ZNF18: variants seen among roughly 807,000 people sequenced by gnomAD.
The protein encoded by ZNF18 is heart development-specific gene 1 protein.
In ZNF18, 42 loss-of-function variants were observed where a neutral mutation model predicts 58.1. The observed-to-expected ratio is 0.72, with a 90% CI of 0.56 to 0.93. The LOEUF (loss-of-function observed/expected upper bound fraction) is 0.93, where lower values mean the gene tolerates loss of function less well. Ranked by LOEUF, ZNF18 falls within the 40% of genes least tolerant of loss-of-function variation. The pLI, the probability that ZNF18 is intolerant of heterozygous loss-of-function variation, is 0.00. For missense variants in ZNF18, 540 were observed against 644.2 expected (o/e 0.84, Z 1.75); for synonymous variants, 231 against 239.8 (o/e 0.96, Z 0.34).
intron 1 of ZNF18, among the ~76,000 whole-genome samples, chr17:11,994,980 AGAAG>A (rs1190303210): frequency 2.0e-5 from 3 of 152,240 alleles, no homozygotes; most frequent in Non-Finnish European, 4.4e-5. Flanking sequence ...CAGGAGAAGG[AGAAG>A]GAAGGGTTGG....
intron 6 of ZNF18, among the ~76,000 whole-genome samples, chr17:11,982,886 CA>C (rs1024534499): frequency 4.6e-5 from 7 of 152,092 alleles, no homozygotes; most frequent in Admixed American, 2.0e-4. Context: ...TTAGATAAAA[CA>C]TTTTTTTCTG....
upstream of ZNF18, among the ~76,000 whole-genome samples, chr17:12,001,499 G>C (rs1968654911): frequency 6.6e-6 from 1 of 152,026 alleles, no homozygotes; most frequent in African/African-American, 2.4e-5. Context: ...CGTGGTGGCA[G>C]GTGCCTGTAG....
At chr17:12,020,393 A>G in the ZNF18 span, among the ~76,000 whole-genome samples, 1 of 152,132 alleles carries the variant, frequency 6.6e-6, no homozygotes, top group East Asian at 1.9e-4. Flanking sequence ...TGGGCTTAAG[A>G]GGAGTTCCAG....
rs754927912 is a variant in ZNF18 at position 11,990,533 on chromosome 17, G to A, written c.595C>T (p.Pro199Ser). ...ATCAGCCTTTCCTCCAGTCGGGCAG[G>A]CTGGGAGGCAGCCAGGGCTGAAGTG... ...EAELALAASQPARLEERLIRD... is the reference protein window; with the variant it reads ...EAELALAASQSARLEERLIRD... Residue 199 changes from proline to serine, a missense_variant, in exon 4 of 7, where the codon CCT becomes TCT. Transcript: ENST00000580306. The A allele has an allele frequency of 2.5e-6, 4 of 1,610,910 alleles. No homozygotes were observed.
chr17:11,989,831 A>C (rs1475174230), intron 4 of ZNF18, among the ~76,000 whole-genome samples: 1 of 152,172 alleles, frequency 6.6e-6, no homozygotes, highest in Non-Finnish European at 1.5e-5. Flanking sequence ...TGAAAAATAT[A>C]CTGGATGAGA....
chr17:11,978,350 C>T lies in ZNF18; in HGVS notation c.1257G>A (p.Arg419=). ...TCRECGKTFY[R]NSQLIFHQRT... is the part of the protein sequence containing the mutation. ...TTTGGTGAAAAATAAGCTGAGAATT[C>T]CTATAAAAGGTCTTCCCACACTCCC... The change falls in exon 7 of 7, where the codon AGG becomes AGA. Residue 419 remains arginine, a synonymous_variant. Coordinates refer to ENST00000580306, the MANE Select transcript of ZNF18 (RefSeq NM_001303281.2). 10 of 1,578,648 alleles carry T rather than the reference C, an allele frequency of 6.3e-6. No homozygotes were observed. The highest frequency in any genetic ancestry group is 8.6e-6 in the Non-Finnish European group (10 of 1,165,546).
At chr17:12,001,577 C>T (rs750367574), upstream of ZNF18, among the ~76,000 whole-genome samples, 3 of 151,974 alleles carry the variant, frequency 2.0e-5, no homozygotes, top group South Asian at 2.1e-4. Flanking sequence ...TGCAGTGAAC[C>T]GAGATTGCGC....
chr17:12,010,579 C>G, the ZNF18 span, among the ~76,000 whole-genome samples: 2 of 152,048 alleles, frequency 1.3e-5, no homozygotes, highest in African/African-American at 2.4e-5. Flanking sequence ...CCACGCCCAG[C>G]TAATTTTTTT....
chr17:11,998,013 T>G (rs895680737), upstream of ZNF18, among the ~76,000 whole-genome samples: 2 of 151,994 alleles, frequency 1.3e-5, no homozygotes, highest in Non-Finnish European at 2.9e-5. Context: ...TTGGGGCTAG[T>G]CCAATGTGGT....
upstream of ZNF18, among the ~76,000 whole-genome samples, chr17:11,998,677 A>G (rs1430795262): frequency 6.6e-6 from 1 of 152,140 alleles, no homozygotes; most frequent in Non-Finnish European, 1.5e-5. Flanking sequence ...ATAAAGCTTG[A>G]TGCGGGGATG....
intron 6 of ZNF18, among the ~76,000 whole-genome samples, chr17:11,982,769 T>C (rs1267825011): frequency 1.3e-5 from 2 of 151,766 alleles, no homozygotes; most frequent in African/African-American, 2.4e-5. Flanking sequence ...GAATGACTAT[T>C]TTACAAGATA....
chr17:12,020,966 C>T, the ZNF18 span: 1 of 1,214,666 alleles, frequency 8.2e-7, no homozygotes, highest in Non-Finnish European at 1.0e-6. Flanking sequence ...GTAGGGTCCC[C>T]GGCGCCAGGC....
chr17:12,001,789 T>C (rs1567613339), upstream of ZNF18, among the ~76,000 whole-genome samples: 1 of 152,098 alleles, frequency 6.6e-6, no homozygotes, highest in Non-Finnish European at 1.5e-5. Context: ...AACGTCACAT[T>C]ATACCCCATA....
chr17:12,016,457 G>T, the ZNF18 span, among the ~76,000 whole-genome samples: 1 of 152,266 alleles, frequency 6.6e-6, no homozygotes, highest in South Asian at 2.1e-4. Context: ...AGCCTCCTGA[G>T]TCGCTGGGAT....
intron 1 of ZNF18, among the ~76,000 whole-genome samples, chr17:11,994,765 T>A (rs1056953260): frequency 9.2e-5 from 14 of 151,870 alleles, no homozygotes; most frequent in Admixed American, 5.2e-4. Context: ...GGCATGAACC[T>A]GGGAGGCAGA....
chr17:11,986,694 T>G (rs1412899280), intron 4 of ZNF18, among the ~76,000 whole-genome samples: 1 of 152,216 alleles, frequency 6.6e-6, no homozygotes, highest in Admixed American at 6.5e-5. Context: ...ACACAGGAGT[T>G]CTCAGTCTTT....
the ZNF18 span, chr17:12,020,721 G>T: frequency 8.1e-6 from 3 of 370,050 alleles, no homozygotes; most frequent in Non-Finnish European, 1.4e-5. Flanking sequence ...TCAGCATCTG[G>T]CCCGGGCTGC....
chr17:12,012,761 G>A, the ZNF18 span, among the ~76,000 whole-genome samples: 12 of 152,172 alleles, frequency 7.9e-5, no homozygotes, highest in Admixed American at 3.9e-4. Context: ...CTGCAGCTTT[G>A]ACGTCCTGGG....
rs1253450730 is a variant in ZNF18 at position 11,978,852 on chromosome 17, T to TTTC, written c.863-109_863-108insGAA. 1.0e-5 allele frequency: 8 copies of TTTC among 762,742 alleles called. No homozygotes were observed. In the Admixed American group the frequency reaches 1.4e-4, roughly 14 times the overall value. 47.2% of individuals were successfully genotyped at this position (762,742 alleles called of 1,614,324 possible). ...AAACATTCATTTTCTTTTTTTTTTT[T>TTTC]TTTTTTTTTTTTTTAGGGCATTAGT... On this transcript the variant is annotated intron_variant, in intron 6 of 6. Transcript: ENST00000580306.
Sources: gnomAD v4.1 joint callset for allele counts (sites outside exome capture counted in the v4.1 genomes callset) on GRCh38, gnomAD v4.1.1 for gene constraint, MANE v1.5 for transcripts, NCBI Gene and HGNC (gene_info 2026-07-23, HGNC 2026-07-21) for gene names.